TAF4: variants seen among roughly 807,000 people sequenced by gnomAD.
TAF4 encodes TATA-box binding protein associated factor 4.
In TAF4, 9 loss-of-function variants were observed where a neutral mutation model predicts 90.3. The observed-to-expected ratio is 0.10, with a 90% CI of 0.06 to 0.17. The LOEUF (loss-of-function observed/expected upper bound fraction) is 0.17, where lower values mean the gene tolerates loss of function less well. Ranked by LOEUF, TAF4 falls within the 10% of genes least tolerant of loss-of-function variation. The pLI is 1.00. For synonymous variants in TAF4, 818 were observed against 638.9 expected (o/e 1.28, Z -4.23); for missense variants, 1,351 against 1,370.7 (o/e 0.99, Z 0.23).
At chr20:62,038,396 C>G (rs2055945682) in intron 1 of TAF4, among the ~76,000 whole-genome samples, 1 of 151,964 alleles carries the variant, frequency 6.6e-6, no homozygotes, top group South Asian at 2.1e-4. Context: ...CTCCTGACCT[C>G]ATGATCCGCC....
chr20:62,019,109 C>G (rs565456097), intron 1 of TAF4, among the ~76,000 whole-genome samples: 12 of 152,354 alleles, frequency 7.9e-5, no homozygotes, highest in South Asian at 4.1e-4. Flanking sequence ...CAGAACCGCA[C>G]TGGGGCTTCC....
Position 62,010,672 on chromosome 20 carries a change from C to T in TAF4, c.1642-507G>A, listed in dbSNP as rs1374817642. Among the ~76,000 whole-genome samples the T allele has an allele frequency of 2.6e-5, 4 of 152,120 alleles. No homozygotes were observed. Among genetic ancestry groups the T allele is most frequent in the African/African-American group, 9.7e-5 (4 of 41,430 alleles). ...GCTCCCTGCAATCACCCAAACCCAC[C>T]TTTCTTTACTCCCCAAAAGTGAGTG... On this transcript the variant is annotated intron_variant, in intron 3 of 14. Transcript: ENST00000252996. The surrounding 1 kb of genome is among the most constrained non-coding windows in gnomAD (Gnocchi z 4.5).
chr20:62,040,372 G>C (rs925666278), intron 1 of TAF4, among the ~76,000 whole-genome samples: 2 of 152,228 alleles, frequency 1.3e-5, no homozygotes, highest in African/African-American at 4.8e-5. Context: ...GGCCAGATGT[G>C]AGGCTCCCAC....
Position 62,064,886 on chromosome 20 carries a change from C to G in TAF4, c.925G>C (p.Ala309Pro). The G allele has an allele frequency of 2.3e-6, 2 of 875,736 alleles. No individual in the cohort carries two copies. Among genetic ancestry groups the G allele is most frequent in the Non-Finnish European group, 2.7e-6 (2 of 738,020 alleles). The allele number at this position is 875,736 out of a possible 1,614,324, so 54.2% of individuals were successfully genotyped here. A position where few individuals can be genotyped will look rare whatever the true frequency, so the allele number is the denominator to read the frequency against. Residue 309 changes from alanine to proline, a missense_variant, in exon 1 of 15, where the codon GCC (alanine) becomes CCC (proline). Ala to Pro is a conservative substitution (Grantham distance 27, BLOSUM62 -1). Transcript: ENST00000252996. ...GGGGCGGGGGCGGGGGCTGCCCCGG[C>G]GCTGCCCCCGTTCTGGGCGGCGGCG... ...PPAAAQNGGS[A>P]GAAPAPAPAA...
chr20:61,998,706 C>G (rs565767381), intron 12 of TAF4, among the ~76,000 whole-genome samples: 1 of 152,338 alleles, frequency 6.6e-6, no homozygotes, highest in Admixed American at 6.5e-5. Context: ...CCAGCGCACA[C>G]AGGGGGCTCT....
Position 62,065,200 on chromosome 20 carries a change from A to G in TAF4, c.611T>C (p.Leu204Pro). The change falls in exon 1 of 15, where the codon CTG becomes CCG. Residue 204 changes from leucine to proline, a missense_variant. Leu to Pro is a moderately conservative substitution (Grantham distance 98, BLOSUM62 -3). Around this residue, in one of 9 missense-constraint regions of TAF4, gnomAD observed 782 missense variants for 536.6 expected, o/e 1.46. Coordinates refer to ENST00000252996, the MANE Select transcript of TAF4 (RefSeq NM_003185.4). Reference protein sequence around the residue: ...AAQTLNGSAALLNSHHAAAPA... With the variant: ...AAQTLNGSAAPLNSHHAAAPA... ...TGCGGCGGCGTGGTGCGAGTTCAGC[A>G]GCGCGGCGCTCCCATTCAAAGTTTG... 8.4e-7 allele frequency: 1 copy of G among 1,184,104 alleles called. No individual in the cohort carries two copies. The highest frequency in any genetic ancestry group is 9.3e-5 in the East Asian group (1 of 10,708). 73.3% of individuals were successfully genotyped at this position (1,184,104 alleles called of 1,614,324 possible).
intron 14 of TAF4, among the ~76,000 whole-genome samples, chr20:61,982,075 C>G (rs55940490): frequency 4.0e-5 from 3 of 75,870 alleles, no homozygotes; most frequent in African/African-American, 1.0e-4. Context: ...ACACCCCACC[C>G]GAGAGGAGAC....
intron 1 of TAF4, among the ~76,000 whole-genome samples, chr20:62,044,340 GA>G (rs1451631262): frequency 1.3e-5 from 2 of 152,106 alleles, no homozygotes; most frequent in African/African-American, 2.4e-5. Context: ...TATAATAGGA[GA>G]AAAAGAATAT....
intron 9 of TAF4, among the ~76,000 whole-genome samples, chr20:62,002,522 A>C (rs1305814794): frequency 1.3e-5 from 2 of 152,092 alleles, no homozygotes; most frequent in Non-Finnish European, 2.9e-5. Flanking sequence ...ACAGGGCCTC[A>C]CTCTGTCACC....
intron 1 of TAF4, among the ~76,000 whole-genome samples, chr20:62,064,136 C>A (rs1568946450): frequency 6.6e-6 from 1 of 152,230 alleles, no homozygotes; most frequent in Non-Finnish European, 1.5e-5. Context: ...ACGCATAGGG[C>A]GGGAGCAGGT....
intron 1 of TAF4, among the ~76,000 whole-genome samples, chr20:62,060,257 C>T (rs1162911661): frequency 6.6e-6 from 1 of 152,262 alleles, no homozygotes; most frequent in Non-Finnish European, 1.5e-5. Context: ...GGGACACCCT[C>T]TCCTACAAAG....
Position 62,065,513 on chromosome 20 carries a change from C to CT in TAF4, c.297_298insA (p.Gly100ArgfsTer362). The stretch of plus-strand genomic sequence containing the variant: ...GGGGGGCCCGGGCGCTGCGGCCCCC[C>CT]GCCCCCCGGCCGCGCTCTACCTGCG... On this transcript the variant is annotated frameshift_variant, in exon 1 of 15. Transcript: ENST00000252996. LOFTEE classifies it high-confidence loss of function. 1 of 974,838 alleles carries CT rather than the reference C, an allele frequency of 1.0e-6. No individual in the cohort carries two copies. The highest frequency in any genetic ancestry group is 1.2e-6 in the Non-Finnish European group (1 of 823,962). The allele number at this position is 974,838 out of a possible 1,614,324, so 60.4% of individuals were successfully genotyped here.
At chr20:62,023,518 CG>C (rs917005428) in intron 1 of TAF4, among the ~76,000 whole-genome samples, 3 of 151,936 alleles carry the variant, frequency 2.0e-5, no homozygotes, top group African/African-American at 7.2e-5. Context: ...AAGGCCGAGG[CG>C]GGGAGACTGC....
intron 1 of TAF4, among the ~76,000 whole-genome samples, chr20:62,031,329 C>G (rs921089659): frequency 6.6e-6 from 1 of 152,214 alleles, no homozygotes; most frequent in South Asian, 2.1e-4. Flanking sequence ...AGGCTGTGCT[C>G]GCTTCCGCCG....
chr20:61,999,665 G>A (rs759340619), intron 11 of TAF4, among the ~76,000 whole-genome samples: 10 of 152,206 alleles, frequency 6.6e-5, no homozygotes, highest in Non-Finnish European at 1.0e-4. Context: ...AGGTAAACCC[G>A]CCAGGCATAG....
intron 3 of TAF4, chr20:62,012,572 AG>A (rs2123146889): frequency 2.4e-6 from 1 of 410,512 alleles, no homozygotes; most frequent in African/African-American, 2.1e-5. Flanking sequence ...AAGCTTGAAC[AG>A]TGCTGCTGGT....
intron 1 of TAF4, among the ~76,000 whole-genome samples, chr20:62,056,134 G>A (rs1297052723): frequency 6.6e-6 from 1 of 152,184 alleles, no homozygotes; most frequent in Non-Finnish European, 1.5e-5. Flanking sequence ...CTGCTCGGGA[G>A]GCTGAGGCAT....
intron 1 of TAF4, among the ~76,000 whole-genome samples, chr20:62,056,309 A>T (rs744778): frequency 6.6e-6 from 1 of 152,096 alleles, no homozygotes; most frequent in Non-Finnish European, 1.5e-5. Flanking sequence ...GCCAACATCC[A>T]CATGAACGAG....
At chr20:62,012,965 G>A (rs764300164) in intron 2 of TAF4, 31 bp from the exon 3 acceptor site, 2 of 1,610,388 alleles carry the variant, frequency 1.2e-6, no homozygotes, top group African/African-American at 2.7e-5. Flanking sequence ...CCTAAAACGA[G>A]CGCAAGTAAA....
Sources: gnomAD v4.1 joint callset for allele counts (sites outside exome capture counted in the v4.1 genomes callset) on GRCh38, gnomAD v4.1.1 for gene constraint, gnomAD v4.1.1 regional missense constraint, Gnocchi (gnomAD v3.1) non-coding constraint, MANE v1.5 for transcripts, NCBI Gene and HGNC (gene_info 2026-07-23, HGNC 2026-07-21) for gene names.